Variants in TOX2 observed in about 807,000 individuals in gnomAD.
The protein encoded by TOX2 is TOX high mobility group box family member 2.
TOX2 carries 15 observed loss-of-function variants against 47.4 expected under a neutral mutation model. The observed-to-expected ratio is 0.32, with a 90% confidence interval of 0.21 to 0.49. TOX2 has a LOEUF of 0.49. Among genes scored for constraint, TOX2 ranks in the 20% least tolerant of loss-of-function variants. The pLI is 0.99. For missense variants in TOX2, 622 were observed against 673.1 expected (o/e 0.92, Z 0.84); for synonymous variants, 290 against 296.6 (o/e 0.98, Z 0.23).
intron 2 of TOX2, among the ~76,000 whole-genome samples, chr20:43,983,729 G>A (rs1459630165): frequency 6.6e-6 from 1 of 152,110 alleles, no homozygotes; most frequent in Non-Finnish European, 1.5e-5. Context: ...AATAACATTT[G>A]CCCTGCACCT....
chr20:43,946,656 T>A (rs2069477479), intron 1 of TOX2, among the ~76,000 whole-genome samples: 1 of 152,186 alleles, frequency 6.6e-6, no homozygotes, highest in Non-Finnish European at 1.5e-5. Flanking sequence ...CAGCATACTT[T>A]CGTAGAAGAA....
intron 1 of TOX2, among the ~76,000 whole-genome samples, chr20:43,968,901 GA>G (rs1339949243): frequency 6.6e-6 from 1 of 152,148 alleles, no homozygotes; most frequent in East Asian, 1.9e-4. Flanking sequence ...TGTGTGGTAT[GA>G]AAAAAAGATT....
intron 3 of TOX2, among the ~76,000 whole-genome samples, chr20:44,048,912 A>C (rs924411761): frequency 6.6e-6 from 1 of 152,208 alleles, no homozygotes; most frequent in Admixed American, 6.5e-5. Context: ...CGAGGTGGGC[A>C]GATCACTTGA....
chr20:43,922,683 A>G (rs943976162), intron 1 of TOX2, among the ~76,000 whole-genome samples: 3 of 152,236 alleles, frequency 2.0e-5, no homozygotes, highest in Non-Finnish European at 4.4e-5. Flanking sequence ...ATGACACAGG[A>G]TAATACATTT....
At chr20:43,960,271 C>A (rs1417380371) in intron 1 of TOX2, among the ~76,000 whole-genome samples, 2 of 152,196 alleles carry the variant, frequency 1.3e-5, no homozygotes, top group Admixed American at 6.5e-5. Flanking sequence ...CACATTCTGT[C>A]AGCTGCTTAG....
chr20:44,032,374 C>CTTGTAA (rs2071170295), intron 3 of TOX2, among the ~76,000 whole-genome samples: 1 of 152,208 alleles, frequency 6.6e-6, no homozygotes, highest in African/African-American at 2.4e-5. Flanking sequence ...CCAGGAGCGT[C>CTTGTAA]CCCGCGGTTG....
chr20:44,051,120 C>A (rs1469967691), intron 3 of TOX2, among the ~76,000 whole-genome samples, 186 bp from the exon 4 acceptor site: 1 of 152,214 alleles, frequency 6.6e-6, no homozygotes, highest in African/African-American at 2.4e-5. Flanking sequence ...CCCACGAGTG[C>A]ACTTAATCAT....
chr20:44,049,978 G>T (rs118151554), intron 3 of TOX2, among the ~76,000 whole-genome samples: 3,380 of 152,240 alleles, frequency 0.022, 49 homozygotes, highest in Middle Eastern at 0.071. Flanking sequence ...ATGATAGAAT[G>T]ATTTATATTC....
intron 3 of TOX2, among the ~76,000 whole-genome samples, chr20:44,019,007 T>C (rs936335997): frequency 3.3e-5 from 5 of 152,212 alleles, no homozygotes; most frequent in Admixed American, 2.0e-4. Flanking sequence ...AGTGTGGGAA[T>C]CAAACGTGCC....
chr20:44,019,084 C>T (rs1325918003), intron 3 of TOX2, among the ~76,000 whole-genome samples: 4 of 146,214 alleles, frequency 2.7e-5, no homozygotes, highest in African/African-American at 5.4e-5. Flanking sequence ...GGTTTGTTGA[C>T]TGACTGACTG....
chr20:44,064,991 T>C (rs1281942577), intron 6 of TOX2, 134 bp downstream of exon 6: 1 of 740,066 alleles, frequency 1.4e-6, no homozygotes, highest in African/African-American at 1.8e-5. Flanking sequence ...CATGGTCATG[T>C]CTGCAGGGCA....
intron 1 of TOX2, among the ~76,000 whole-genome samples, chr20:43,932,579 G>A (rs2069266457): frequency 6.6e-6 from 1 of 152,216 alleles, no homozygotes; most frequent in Admixed American, 6.5e-5. Context: ...GGTGCCTCCT[G>A]TCCAAACACA....
intron 2 of TOX2, among the ~76,000 whole-genome samples, chr20:43,989,781 GAA>G (rs35693609): frequency 1.8e-5 from 2 of 113,274 alleles, no homozygotes; most frequent in Non-Finnish European, 1.9e-5. Context: ...CTCTGTCTCA[GAA>G]AAAAAAAAAA....
Position 44,006,557 on chromosome 20 carries a change from G to C in TOX2, c.176G>C (p.Gly59Ala). ...TTTTTGATGTTTTAGACCTACAACGGCCAGAGCGAGAACAACGAAGACTAT... is the reference window on the plus strand; with the variant it reads ...TTTTTGATGTTTTAGACCTACAACGCCCAGAGCGAGAACAACGAAGACTAT... The part of the protein sequence containing the change: ...ELLSTSQTYN[G>A]QSENNEDYEI... The change falls in exon 3 of 9, where the codon GGC becomes GCC. Residue 59 changes from glycine (G) to alanine (A), a missense_variant. Transcript: ENST00000341197. The C allele has an allele frequency of 1.9e-6, 3 of 1,612,826 alleles. No homozygotes were observed. The highest frequency in any genetic ancestry group is 2.5e-6 in the Non-Finnish European group (3 of 1,179,798).
intron 3 of TOX2, among the ~76,000 whole-genome samples, chr20:44,035,934 C>G (rs773868933): frequency 6.6e-6 from 1 of 152,246 alleles, no homozygotes; most frequent in Non-Finnish European, 1.5e-5. Flanking sequence ...TTCAGCCAAT[C>G]CAGTGAGCTC....
At chr20:43,986,720 C>T (rs1444472638) in intron 2 of TOX2, among the ~76,000 whole-genome samples, 1 of 152,156 alleles carries the variant, frequency 6.6e-6, no homozygotes, top group Non-Finnish European at 1.5e-5. Context: ...TTTGCAGTAT[C>T]TAAAGCTGAA....
chr20:43,927,303 G>A (rs1442729702), intron 1 of TOX2, among the ~76,000 whole-genome samples: 3 of 152,076 alleles, frequency 2.0e-5, no homozygotes, highest in Non-Finnish European at 4.4e-5. Flanking sequence ...AAATTCTCTT[G>A]CAACAAGGAA....
chr20:43,967,215 T>C (rs2069871596), intron 1 of TOX2, among the ~76,000 whole-genome samples: 1 of 152,132 alleles, frequency 6.6e-6, no homozygotes, highest in Non-Finnish European at 1.5e-5. Flanking sequence ...CAAGTCCATG[T>C]ACATGTTATG....
At chr20:44,008,016 T>C (rs1205405409) in intron 3 of TOX2, among the ~76,000 whole-genome samples, 1 of 152,082 alleles carries the variant, frequency 6.6e-6, no homozygotes, top group East Asian at 1.9e-4. Context: ...TTAAAGTTCA[T>C]GGGATAGGTA....
Sources: allele counts gnomAD v4.1 joint callset (sites outside exome capture counted in the v4.1 genomes callset), GRCh38; gene constraint gnomAD v4.1.1; transcripts MANE v1.5; gene names NCBI Gene and HGNC (gene_info 2026-07-23, HGNC 2026-07-21).